Variants in ZHX2 observed in about 807,000 individuals in gnomAD.
ZHX2 encodes zinc fingers and homeoboxes 2, also known as zinc fingers and homeoboxes protein 2.
ZHX2 carries 6 observed loss-of-function variants against 21.9 expected under a neutral mutation model. The observed-to-expected ratio is 0.27, with a 90% CI of 0.15 to 0.54. The LOEUF (loss-of-function observed/expected upper bound fraction) is 0.54, where lower values mean the gene tolerates loss of function less well. ZHX2 is among the 20% of genes least tolerant of loss of function. The pLI is 0.95. For missense variants in ZHX2, 908 were observed against 1,090.7 expected, an observed-to-expected ratio of 0.83 and a Z score of 2.36; for synonymous variants, 434 against 437.1, an observed-to-expected ratio of 0.99 and a Z score of 0.09.
At chr8:122,799,086 C>G (rs966137843) in intron 1 of ZHX2, among the ~76,000 whole-genome samples, 3 of 152,210 alleles carry the variant, frequency 2.0e-5, no homozygotes, top group Non-Finnish European at 4.4e-5. Context: ...AAACCATACC[C>G]GTGACACAAA....
intron 1 of ZHX2, among the ~76,000 whole-genome samples, chr8:122,829,934 T>G (rs1014192083): frequency 2.0e-5 from 3 of 151,876 alleles, no homozygotes; most frequent in Non-Finnish European, 2.9e-5. Context: ...CTAGGGAGAG[T>G]CTGAATGTGC....
chr8:122,825,626 T>G (rs1818247841), intron 1 of ZHX2, among the ~76,000 whole-genome samples: 1 of 152,200 alleles, frequency 6.6e-6, no homozygotes, highest in African/African-American at 2.4e-5. Flanking sequence ...AACCAGGGGC[T>G]CAGAGTCCAT....
chr8:122,889,026 A>G lies in ZHX2; in HGVS notation c.-220+25487A>G, dbSNP rs796628523. Among the ~76,000 whole-genome samples, 9 of 152,348 alleles carry G rather than the reference A, an allele frequency of 5.9e-5. 1 individual carries two copies. Among genetic ancestry groups the G allele is most frequent in the African/African-American group, 2.2e-4 (9 of 41,586 alleles). The stretch of plus-strand genomic sequence containing the variant: ...TTCTGTGTCTGACTTATTTCACTTA[A>G]CATAATGTTCCCAGTTTCATCCATG... On this transcript the variant is annotated intron_variant, in intron 2 of 3. Coordinates refer to ENST00000314393, the MANE Select transcript of ZHX2 (RefSeq NM_014943.5).
intron 2 of ZHX2, among the ~76,000 whole-genome samples, chr8:122,884,135 A>C (rs1431361286): frequency 6.6e-6 from 1 of 152,204 alleles, no homozygotes; most frequent in Non-Finnish European, 1.5e-5. Flanking sequence ...CACAATGATA[A>C]CTATTTGTGT....
chr8:122,900,740 A>G (rs144898410), intron 2 of ZHX2, among the ~76,000 whole-genome samples: 1 of 152,344 alleles, frequency 6.6e-6, no homozygotes, highest in East Asian at 1.9e-4. Flanking sequence ...ACCACTGAGT[A>G]TGCTCAAGCA....
intron 1 of ZHX2, chr8:122,816,637 A>G (rs1586585314): frequency 7.1e-6 from 1 of 141,100 alleles, no homozygotes; most frequent in Non-Finnish European, 1.6e-5. Flanking sequence ...TTTTTTTTTT[A>G]ATAGAGGAAG....
chr8:122,921,549 C>T (rs1433352091), intron 2 of ZHX2, among the ~76,000 whole-genome samples: 1 of 152,090 alleles, frequency 6.6e-6, no homozygotes, highest in Non-Finnish European at 1.5e-5. Context: ...TGGTGATTCA[C>T]GCCTGTAATC....
At chr8:122,895,639 A>G (rs576065422) in intron 2 of ZHX2, among the ~76,000 whole-genome samples, 1 of 151,942 alleles carries the variant, frequency 6.6e-6, no homozygotes, top group South Asian at 2.1e-4. Flanking sequence ...CACACCCATT[A>G]TATTCTAGAT....
intron 2 of ZHX2, among the ~76,000 whole-genome samples, chr8:122,872,961 C>A (rs1819476500): frequency 6.6e-6 from 1 of 152,154 alleles, no homozygotes; most frequent in African/African-American, 2.4e-5. Flanking sequence ...GTGCTCCCAG[C>A]AAATGCCCTG....
intron 2 of ZHX2, among the ~76,000 whole-genome samples, chr8:122,917,930 A>T (rs975673080): frequency 6.6e-6 from 1 of 152,142 alleles, no homozygotes; most frequent in Non-Finnish European, 1.5e-5. Flanking sequence ...TCTTCTCAAC[A>T]CACTGCAGAC....
intron 2 of ZHX2, among the ~76,000 whole-genome samples, chr8:122,928,448 TG>T (rs1820906838): frequency 6.6e-6 from 1 of 152,000 alleles, no homozygotes; most frequent in East Asian, 1.9e-4. Context: ...GTGTGAGGTT[TG>T]GGGGGTACCT....
rs147983183 is a variant in ZHX2 at position 122,820,631 on chromosome 8, G to A, written c.-283+38685G>A. Among the ~76,000 whole-genome samples, 412 of 152,264 alleles carry A rather than the reference G, an allele frequency of 2.7e-3. 5 individuals carry two copies. The highest frequency in any genetic ancestry group is 8.4e-3 in the African/African-American group (349 of 41,562). ...TTGATACGGAGAATAGTCACCAGAC[G>A]ACGGGGCTGAGAGAGGGATGCATTT... On this transcript the variant is annotated intron_variant, in intron 1 of 3. Transcript: ENST00000314393.
intron 2 of ZHX2, among the ~76,000 whole-genome samples, chr8:122,917,642 G>A (rs926247284): frequency 6.6e-6 from 1 of 152,200 alleles, no homozygotes; most frequent in Non-Finnish European, 1.5e-5. Flanking sequence ...AGTCAGAACT[G>A]CATTTCTGTC....
chr8:122,951,557 C>A lies in ZHX2; in HGVS notation c.47C>A (p.Ser16Ter), dbSNP rs1165711718. 3 of 1,613,486 alleles carry A rather than the reference C, an allele frequency of 1.9e-6. No individual in the cohort carries two copies. The highest frequency in any genetic ancestry group is 1.3e-5 in the African/African-American group (1 of 74,822). Reference protein sequence around the residue: ...KSTTPCMVRTSQVVEQDVPEE... With the variant: ...KSTTPCMVRT ...ACAACTCCATGCATGGTTCGGACAT[C>A]ACAAGTAGTAGAACAAGATGTGCCC... The change falls in exon 3 of 4, where the codon TCA becomes TAA. Residue 16 changes from serine (S) to a stop codon, truncating the protein, a stop_gained. Transcript: ENST00000314393. LOFTEE classifies it high-confidence loss of function.
intron 1 of ZHX2, among the ~76,000 whole-genome samples, chr8:122,813,539 T>C (rs1323181032): frequency 6.6e-6 from 1 of 152,250 alleles, no homozygotes; most frequent in Non-Finnish European, 1.5e-5. Context: ...AGCATGAGTG[T>C]TTCCACTTGC....
chr8:122,967,200 C>T (rs1813604858), intron 3 of ZHX2, among the ~76,000 whole-genome samples: 1 of 152,230 alleles, frequency 6.6e-6, no homozygotes, highest in African/African-American at 2.4e-5. Context: ...CCAGTGTGAT[C>T]TTATGGGAGT....
At chr8:122,856,609 ATC>A (rs1009169187) in intron 1 of ZHX2, among the ~76,000 whole-genome samples, 1 of 152,168 alleles carries the variant, frequency 6.6e-6, no homozygotes, top group African/African-American at 2.4e-5. Context: ...AGGTGTATTC[ATC>A]TCTCTCACAT....
chr8:122,861,347 AT>A (rs1275834749), intron 1 of ZHX2, among the ~76,000 whole-genome samples: 5 of 152,324 alleles, frequency 3.3e-5, no homozygotes, highest in African/African-American at 1.2e-4. Context: ...ATTCCACTGT[AT>A]ATCTTAACTT....
At chr8:122,784,350 A>G (rs779177115) in intron 1 of ZHX2, among the ~76,000 whole-genome samples, 6 of 152,244 alleles carry the variant, frequency 3.9e-5, no homozygotes, top group Non-Finnish European at 7.3e-5. Context: ...AAGTACTACT[A>G]TTATCCTCCG....
Sources: gnomAD v4.1 joint callset for allele counts (sites outside exome capture counted in the v4.1 genomes callset) on GRCh38, gnomAD v4.1.1 for gene constraint, MANE v1.5 for transcripts, NCBI Gene and HGNC (gene_info 2026-07-23, HGNC 2026-07-21) for gene names.